The following ENOX2 variants were observed in gnomAD, a reference collection of about 807,000 sequenced individuals.
ENOX2 encodes the protein APK1 antigen.
Under a neutral mutation model 45.0 loss-of-function variants are expected in ENOX2, and 36 were observed. The observed-to-expected ratio is 0.80, with a 90% CI of 0.61 to 1.06. ENOX2 has a LOEUF of 1.06. Ranked by LOEUF, ENOX2 falls within the 50% of genes least tolerant of loss-of-function variation. ENOX2 has a pLI of 0.00. For synonymous variants in ENOX2, 174 were observed against 152.3 expected (o/e 1.14, Z -1.05); for missense variants, 423 against 462.5 (o/e 0.91, Z 0.78).
At position 130,670,050 on chromosome X, in the gene ENOX2, T is replaced by C. The variant is rs1357237107; in HGVS notation, c.609A>G (p.Glu203=). The C allele has an allele frequency of 1.7e-6, 2 of 1,211,351 alleles. No homozygotes were observed. The highest frequency in any genetic ancestry group is 1.7e-5 in the African/African-American group (1 of 57,820). ...GAGATGGTGGACGCAATCTTTCTTC[T>C]TCCATTCTTCTACGATGGCGCTCCT... The part of the protein sequence containing the change: ...AREERHRRRM[E]EERLRPPSPP... The change falls in exon 7 of 15, where the codon GAA becomes GAG. Residue 203 remains glutamate, a synonymous_variant. Coordinates refer to ENST00000394363, the MANE Select transcript of ENOX2 (RefSeq NM_006375.4).
At chrX:130,861,491 T>A (rs1249470457) in intron 2 of ENOX2, among the ~76,000 whole-genome samples, 2 of 111,846 alleles carry the variant, frequency 1.8e-5, no homozygotes, top group African/African-American at 3.2e-5. Context: ...ACCTGGAGAA[T>A]GTCAAGCTAA....
At chrX:130,662,186 G>C (rs1416685005) in intron 9 of ENOX2, among the ~76,000 whole-genome samples, 2 of 111,782 alleles carry the variant, frequency 1.8e-5, no homozygotes, top group African/African-American at 6.5e-5. Flanking sequence ...GTATTAGCAG[G>C]GACCTCACAC....
intron 3 of ENOX2, chrX:130,709,170 TA>T (rs1267333164): frequency 1.1e-6 from 1 of 898,584 alleles, no homozygotes; most frequent in Admixed American, 2.2e-5. Flanking sequence ...TAGCTCAAAG[TA>T]GGTGCCAATA....
chrX:130,814,364 C>T, intron 2 of ENOX2, among the ~76,000 whole-genome samples: 1 of 112,274 alleles, frequency 8.9e-6, no homozygotes, highest in South Asian at 3.7e-4. Flanking sequence ...AAGACAGCAG[C>T]AGATCTCCCA....
intron 3 of ENOX2, among the ~76,000 whole-genome samples, chrX:130,726,474 A>T (rs1388057866): frequency 8.9e-6 from 1 of 112,304 alleles, no homozygotes; most frequent in Non-Finnish European, 1.9e-5. Context: ...ATCAGTTTCA[A>T]ATACAAAGGT....
chrX:130,864,686 G>T lies in ENOX2; in HGVS notation c.-183+36998C>A, dbSNP rs1001272118. Among the ~76,000 whole-genome samples, 46 of 111,899 alleles carry T rather than the reference G, an allele frequency of 4.1e-4. 1 individual carries two copies. Among genetic ancestry groups the T allele is most frequent in the Non-Finnish European group, 1.7e-4 (9 of 53,206 alleles). On this transcript the variant is annotated intron_variant, in intron 2 of 14. Coordinates refer to ENST00000394363, the MANE Select transcript of ENOX2 (RefSeq NM_006375.4). ...CATTATGGCTACTCATGCCAAAACT[G>T]AAATAAACAAATCTACTTTAACAAC...
rs759803895 is a variant in ENOX2 at position 130,625,277 on chromosome X, T to C, written c.*37A>G. On this transcript the variant is annotated 3_prime_UTR_variant, in exon 15 of 15. Coordinates refer to ENST00000394363, the MANE Select transcript of ENOX2 (RefSeq NM_006375.4). ...ACTTTCTATGCTTGTCCAACACATA[T>C]TTATCTTCAGGATCCCAAGTTGTTA... 8.4e-7 allele frequency: 1 copy of C among 1,193,909 alleles called. No individual in the cohort carries two copies. Among genetic ancestry groups the C allele is most frequent in the Non-Finnish European group, 1.1e-6 (1 of 884,299 alleles).
chrX:130,642,244 A>G (rs1203502691), intron 10 of ENOX2, among the ~76,000 whole-genome samples: 1 of 111,867 alleles, frequency 8.9e-6, no homozygotes, highest in Non-Finnish European at 1.9e-5. Flanking sequence ...CAGGAGTTCA[A>G]GACTTCAGTG....
At chrX:130,750,409 T>G (rs979934797) in intron 3 of ENOX2, among the ~76,000 whole-genome samples, 55 of 111,944 alleles carry the variant, frequency 4.9e-4, no homozygotes, top group African/African-American at 1.7e-3. Context: ...TCTGTCTGCC[T>G]GTTTCTCCAC....
Position 130,683,047 on chromosome X carries a change from A to G in ENOX2, c.254-3299T>C, listed in dbSNP as rs188383706. ...GAGACAAAGAAAAGTTCCATGTACA[A>G]AGATTCAAGATAACTGGGAATAAAA... On this transcript the variant is annotated intron_variant, in intron 5 of 14. Coordinates refer to ENST00000394363, the MANE Select transcript of ENOX2 (RefSeq NM_006375.4). Among the ~76,000 whole-genome samples the G allele has an allele frequency of 3.3e-3, 369 of 112,067 alleles. 1 individual carries two copies. Among genetic ancestry groups the G allele is most frequent in the African/African-American group, 0.011 (350 of 30,810 alleles).
chrX:130,758,372 G>T (rs1446714277), intron 3 of ENOX2, among the ~76,000 whole-genome samples: 1 of 112,169 alleles, frequency 8.9e-6, no homozygotes, highest in Non-Finnish European at 1.9e-5. Context: ...GAATCATACA[G>T]CATGTAACCT....
chrX:130,711,651 G>A (rs2038193910), intron 3 of ENOX2, among the ~76,000 whole-genome samples: 1 of 111,477 alleles, frequency 9.0e-6, no homozygotes, highest in African/African-American at 3.3e-5. Context: ...AGTGTGGCAG[G>A]GTGGGAGTTG....
At chrX:130,642,831 C>T (rs1338534240) in intron 10 of ENOX2, among the ~76,000 whole-genome samples, 1 of 112,260 alleles carries the variant, frequency 8.9e-6, no homozygotes, top group Non-Finnish European at 1.9e-5. Flanking sequence ...GTTTTTTAGG[C>T]ATTTGCTTAA....
In ENOX2 at chrX:130,645,674, G is replaced by C. The variant is rs2036211366; in HGVS notation, c.1130-8264C>G. On this transcript the variant is annotated intron_variant, in intron 10 of 14. Transcript: ENST00000394363. ...GGGCTGCCCAGCACCTAAGGGCTGG[G>C]CCTGCTGCGTTTCATGCCCCAGCAG... 12 of 513,626 alleles carry C rather than the reference G, an allele frequency of 2.3e-5. No homozygotes were observed. In the South Asian group the frequency reaches 3.7e-4, roughly 16 times the overall value. 42.3% of individuals were successfully genotyped at this position (513,626 alleles called of 1,213,427 possible).
chrX:130,820,853 A>C (rs957801629), intron 2 of ENOX2, among the ~76,000 whole-genome samples: 1 of 111,922 alleles, frequency 8.9e-6, no homozygotes, highest in African/African-American at 3.2e-5. Context: ...GCAAAATTTC[A>C]GTTAGAAAGG....
chrX:130,697,759 T>A (rs1469532755), intron 4 of ENOX2, among the ~76,000 whole-genome samples: 3 of 112,205 alleles, frequency 2.7e-5, no homozygotes, highest in Admixed American at 9.4e-5. Context: ...CTCCTAATAG[T>A]TTCCATGGGG....
At chrX:130,818,062 C>T (rs959617108) in intron 2 of ENOX2, among the ~76,000 whole-genome samples, 4 of 111,975 alleles carry the variant, frequency 3.6e-5, no homozygotes, top group African/African-American at 9.7e-5. Flanking sequence ...AAGCAACTTC[C>T]GCAAGGTCTC....
intron 9 of ENOX2, among the ~76,000 whole-genome samples, chrX:130,659,940 AT>A (rs1252062906): frequency 2.7e-5 from 3 of 112,501 alleles, no homozygotes; most frequent in Admixed American, 1.9e-4. Context: ...AGTTAAAAAA[AT>A]ATGTGATACA....
At chrX:130,753,269 A>C (rs2039272588) in intron 3 of ENOX2, among the ~76,000 whole-genome samples, 2 of 107,895 alleles carry the variant, frequency 1.9e-5, no homozygotes, top group Admixed American at 1.0e-4. Flanking sequence ...GTGTCCCCAT[A>C]TCTCTCTCCT....
Sources: gnomAD v4.1 joint callset for allele counts (sites outside exome capture counted in the v4.1 genomes callset) on GRCh38, gnomAD v4.1.1 for gene constraint, MANE v1.5 for transcripts, NCBI Gene and HGNC (gene_info 2026-07-23, HGNC 2026-07-21) for gene names.